Variants in ADARB2 observed in about 807,000 individuals in gnomAD.
ADARB2 encodes adenosine deaminase RNA specific B2 (inactive).
ADARB2 carries 25 observed loss-of-function variants against 62.2 expected under a neutral mutation model. The ratio of observed to expected loss-of-function variants is 0.40; its 90% CI spans 0.29 to 0.56. The LOEUF is 0.56. Ranked by LOEUF, ADARB2 falls within the 20% of genes least tolerant of loss-of-function variation. ADARB2 has a pLI of 0.43. For synonymous variants in ADARB2, 572 were observed against 500.8 expected, an observed-to-expected ratio of 1.14 and a Z score of -1.90; for missense variants, 1,071 against 1,077.4, an observed-to-expected ratio of 0.99 and a Z score of 0.08.
chr10:1,421,526 A>G (rs1177842293), intron 1 of ADARB2, among the ~76,000 whole-genome samples: 1 of 152,080 alleles, frequency 6.6e-6, no homozygotes, highest in Admixed American at 6.5e-5. Flanking sequence ...CATTGAATAA[A>G]TGTTTATTCA....
At chr10:1,671,820 A>T (rs987503788) in intron 1 of ADARB2, among the ~76,000 whole-genome samples, 1 of 152,092 alleles carries the variant, frequency 6.6e-6, no homozygotes, top group African/African-American at 2.4e-5. Context: ...ACCACGTCGC[A>T]CCGAGATGCC....
chr10:1,310,721 G>A lies in ADARB2; in HGVS notation c.1078-39652C>T, dbSNP rs193194580. On this transcript the variant is annotated intron_variant, in intron 3 of 9. Transcript: ENST00000381312. Reference sequence around the variant, plus strand: ...GTTGGGACGGGGATAAGTGGAGAGGGGAGGAGGCTCTCCAGGCCCCTGGCG... The same window carrying A: ...GTTGGGACGGGGATAAGTGGAGAGGAGAGGAGGCTCTCCAGGCCCCTGGCG... Among the ~76,000 whole-genome samples, 70 of 152,268 alleles carry A rather than the reference G, an allele frequency of 4.6e-4. No homozygotes were observed. The East Asian group carries it at 0.012, about 26-fold the overall frequency.
At chr10:1,550,715 G>A (rs1832608061) in intron 1 of ADARB2, among the ~76,000 whole-genome samples, 1 of 152,120 alleles carries the variant, frequency 6.6e-6, no homozygotes, top group Non-Finnish European at 1.5e-5. Context: ...AGCTAGAAGA[G>A]ATTTGGAGAC....
At chr10:1,409,332 A>G (rs1357723026) in intron 1 of ADARB2, among the ~76,000 whole-genome samples, 3 of 152,064 alleles carry the variant, frequency 2.0e-5, no homozygotes, top group Non-Finnish European at 4.4e-5. Flanking sequence ...CCTGCAGCCA[A>G]ACAGAGAATT....
At chr10:1,327,971 C>T (rs1428632299) in intron 3 of ADARB2, among the ~76,000 whole-genome samples, 8 of 84,772 alleles carry the variant, frequency 9.4e-5, no homozygotes, top group Admixed American at 3.3e-4. Context: ...CAGTACTCAG[C>T]GCCTCCTCAC....
chr10:1,405,682 G>T (rs1832701839), intron 1 of ADARB2, among the ~76,000 whole-genome samples: 1 of 139,734 alleles, frequency 7.2e-6, no homozygotes, highest in Non-Finnish European at 1.6e-5. Flanking sequence ...AAATGTACCA[G>T]AATCCACCCA....
intron 7 of ADARB2, among the ~76,000 whole-genome samples, chr10:1,212,426 A>C (rs1837166778): frequency 6.6e-6 from 1 of 152,194 alleles, no homozygotes; most frequent in Non-Finnish European, 1.5e-5. Flanking sequence ...TGGCAGATAC[A>C]CAAGTACCTT....
chr10:1,729,195 CTA>C (rs1393961236), intron 1 of ADARB2, among the ~76,000 whole-genome samples: 11 of 152,038 alleles, frequency 7.2e-5, no homozygotes, highest in African/African-American at 2.7e-4. Flanking sequence ...ATTAGGCTAC[CTA>C]TGTTTTTCTT....
chr10:1,559,221 C>A (rs1832754507), intron 1 of ADARB2, among the ~76,000 whole-genome samples: 1 of 152,202 alleles, frequency 6.6e-6, no homozygotes, highest in Admixed American at 6.5e-5. Context: ...TATGGAAATA[C>A]ACATTGCTGT....
At chr10:1,620,216 T>C (rs1833690015) in intron 1 of ADARB2, among the ~76,000 whole-genome samples, 1 of 151,874 alleles carries the variant, frequency 6.6e-6, no homozygotes, top group South Asian at 2.1e-4. Flanking sequence ...ACCAAAAAAA[T>C]CAACAAATTG....
At chr10:1,274,808 C>T (rs1831298803) in intron 3 of ADARB2, among the ~76,000 whole-genome samples, 1 of 152,220 alleles carries the variant, frequency 6.6e-6, no homozygotes, top group South Asian at 2.1e-4. Flanking sequence ...GGACGTACCC[C>T]AGCTGCCTTG....
chr10:1,536,136 T>C (rs965116801), intron 1 of ADARB2, among the ~76,000 whole-genome samples: 1 of 152,116 alleles, frequency 6.6e-6, no homozygotes, highest in Non-Finnish European at 1.5e-5. Context: ...GATTCAGGCG[T>C]TGAAGCCTCA....
At position 1,273,669 on chromosome 10, in the gene ADARB2, C is replaced by T. The variant is rs537966470; in HGVS notation, c.1078-2600G>A. ...AGAAGAAGATGCAGGGGGACAGAGG[C>T]CCACAGAGTCCTGGAGCCCCAACAG... On this transcript the variant is annotated intron_variant, in intron 3 of 9. Coordinates refer to ENST00000381312, the MANE Select transcript of ADARB2 (RefSeq NM_018702.4). Among the ~76,000 whole-genome samples the T allele has an allele frequency of 3.9e-5, 6 of 152,296 alleles. No individual in the cohort carries two copies. In the South Asian group the frequency reaches 1.2e-3, roughly 32 times the overall value.
At position 1,228,587 on chromosome 10, in the gene ADARB2, A is replaced by G. The variant is rs1564227734; in HGVS notation, c.1513+5107T>C. Among the ~76,000 whole-genome samples, 3 of 152,338 alleles carry G rather than the reference A, an allele frequency of 2.0e-5. No homozygotes were observed. The South Asian group carries it at 6.2e-4, about 32-fold the overall frequency. On this transcript the variant is annotated intron_variant, in intron 6 of 9. Coordinates refer to ENST00000381312, the MANE Select transcript of ADARB2 (RefSeq NM_018702.4). ...CTTTCAGGCATTTGTCCCTGCCTTA[A>G]CTGACCTGGCCCCTCTAGGTCCAGG... is the stretch of plus-strand genomic sequence containing the variant.
At chr10:1,492,949 C>G (rs182312876) in intron 1 of ADARB2, among the ~76,000 whole-genome samples, 1 of 152,184 alleles carries the variant, frequency 6.6e-6, no homozygotes, top group African/African-American at 2.4e-5. Context: ...CTAATCCCCA[C>G]GCACTTGCCG....
chr10:1,342,551 A>G (rs1832040378), intron 3 of ADARB2, among the ~76,000 whole-genome samples: 1 of 152,094 alleles, frequency 6.6e-6, no homozygotes, highest in East Asian at 1.9e-4. Context: ...TCGCAGACCC[A>G]TGGGAGGAGA....
intron 7 of ADARB2, among the ~76,000 whole-genome samples, chr10:1,203,422 T>A (rs538084125): frequency 5.3e-5 from 8 of 152,206 alleles, no homozygotes; most frequent in Admixed American, 1.3e-4. Context: ...CCTTGCCTGT[T>A]TTGGACGCTT....
chr10:1,469,507 C>T (rs1228295006), intron 1 of ADARB2, among the ~76,000 whole-genome samples: 1 of 152,188 alleles, frequency 6.6e-6, no homozygotes, highest in Non-Finnish European at 1.5e-5. Context: ...CACTTTTACA[C>T]AAGTTCTTGA....
chr10:1,385,492 A>C (rs1832518093), intron 1 of ADARB2, among the ~76,000 whole-genome samples: 1 of 149,738 alleles, frequency 6.7e-6, no homozygotes, highest in Non-Finnish European at 1.5e-5. Context: ...ATAACATTTG[A>C]AATGAAAAAA....
Sources: gnomAD v4.1 joint callset for allele counts (sites outside exome capture counted in the v4.1 genomes callset) on GRCh38, gnomAD v4.1.1 for gene constraint, MANE v1.5 for transcripts, NCBI Gene and HGNC (gene_info 2026-07-23, HGNC 2026-07-21) for gene names.